The following BAZ2B variants were observed in gnomAD, a reference collection of about 807,000 sequenced individuals.
BAZ2B encodes the protein bromodomain adjacent to zinc finger domain 2B.
Under a neutral mutation model 246.0 loss-of-function variants are expected in BAZ2B, and 91 were observed. The observed-to-expected ratio is 0.37, with a 90% confidence interval of 0.31 to 0.44. The LOEUF is 0.44. Ranked by LOEUF, BAZ2B falls within the 20% of genes least tolerant of loss-of-function variation. BAZ2B has a pLI of 1.00. For synonymous variants in BAZ2B, 855 were observed against 860.0 expected (o/e 0.99, Z 0.10); for missense variants, 2,332 against 2,533.7 (o/e 0.92, Z 1.71).
At chr2:159,415,032 AATG>A (rs2067445011) in intron 13 of BAZ2B, among the ~76,000 whole-genome samples, 1 of 152,128 alleles carries the variant, frequency 6.6e-6, no homozygotes. Context: ...TATTGGTCAA[AATG>A]ATAATTCCTA....
At chr2:159,487,828 G>A (rs2080009149) in intron 2 of BAZ2B, among the ~76,000 whole-genome samples, 1 of 151,444 alleles carries the variant, frequency 6.6e-6, no homozygotes, top group South Asian at 2.1e-4. Context: ...CTTCCGAGGA[G>A]TCTGGGATTA....
chr2:159,567,937 A>G (rs1683039294), intron 1 of BAZ2B, among the ~76,000 whole-genome samples: 1 of 152,188 alleles, frequency 6.6e-6, no homozygotes, highest in Non-Finnish European at 1.5e-5. Flanking sequence ...GTGCCACTGC[A>G]CTCCAGCCTG....
intron 1 of BAZ2B, among the ~76,000 whole-genome samples, chr2:159,574,435 A>G (rs1434478241): frequency 1.3e-5 from 2 of 152,140 alleles, no homozygotes; most frequent in Non-Finnish European, 2.9e-5. Flanking sequence ...GGGATTGCAA[A>G]ACATTGCAGC....
chr2:159,637,823 A>G, the BAZ2B span, among the ~76,000 whole-genome samples: 1 of 152,260 alleles, frequency 6.6e-6, no homozygotes, highest in East Asian at 1.9e-4. Flanking sequence ...CAGCCTCCCA[A>G]ATTGTTAGGA....
the BAZ2B span, among the ~76,000 whole-genome samples, chr2:159,682,706 A>G: frequency 6.6e-6 from 1 of 152,226 alleles, no homozygotes; most frequent in East Asian, 1.9e-4. Flanking sequence ...TATTTCATAT[A>G]ACGAGAAGAC....
intron 3 of BAZ2B, among the ~76,000 whole-genome samples, chr2:159,471,898 T>C (rs1396467437): frequency 6.6e-6 from 1 of 152,186 alleles, no homozygotes; most frequent in Non-Finnish European, 1.5e-5. Flanking sequence ...ATACATAAGC[T>C]ACTAGATGCA....
the BAZ2B span, among the ~76,000 whole-genome samples, chr2:159,646,295 G>A: frequency 3.3e-5 from 5 of 152,246 alleles, no homozygotes; most frequent in East Asian, 1.9e-4. Context: ...CTGGCTCACC[G>A]GCAGTCAGAG....
intron 2 of BAZ2B, among the ~76,000 whole-genome samples, chr2:159,505,488 T>C (rs1289892713): frequency 6.6e-6 from 1 of 152,214 alleles, no homozygotes; most frequent in Non-Finnish European, 1.5e-5. Flanking sequence ...AGAGCTTTTA[T>C]AAGCTTCACT....
At chr2:159,523,846 C>T (rs1383844599) in intron 2 of BAZ2B, among the ~76,000 whole-genome samples, 3 of 151,940 alleles carry the variant, frequency 2.0e-5, no homozygotes, top group Non-Finnish European at 4.4e-5. Context: ...TAATAACAAC[C>T]CCTCAAAAAA....
At chr2:159,348,556 A>G (rs2058222964) in intron 30 of BAZ2B, 122 bp downstream of exon 30, 1 of 1,174,956 alleles carries the variant, frequency 8.5e-7, no homozygotes, top group Non-Finnish European at 1.2e-6. Flanking sequence ...CGATTGGTTG[A>G]ATCCATAGAT....
intron 2 of BAZ2B, among the ~76,000 whole-genome samples, chr2:159,533,868 G>C (rs2085634944): frequency 6.6e-6 from 1 of 152,102 alleles, no homozygotes; most frequent in Non-Finnish European, 1.5e-5. Flanking sequence ...GAATGTATGT[G>C]AAACAAAAAT....
At chr2:159,670,821 C>T in the BAZ2B span, 2 of 152,118 alleles carry the variant, frequency 1.3e-5, no homozygotes, top group Non-Finnish European at 2.9e-5. Flanking sequence ...CTGCTGGAGA[C>T]AAATTTCTCT....
chr2:159,425,469 C>T (rs1398109219), intron 13 of BAZ2B, among the ~76,000 whole-genome samples: 1 of 152,208 alleles, frequency 6.6e-6, no homozygotes, highest in South Asian at 2.1e-4. Context: ...GCGTGAGCCA[C>T]AATGCCCGGC....
intron 1 of BAZ2B, among the ~76,000 whole-genome samples, chr2:159,615,042 G>A (rs1695594985): frequency 6.6e-6 from 1 of 152,262 alleles, no homozygotes; most frequent in Non-Finnish European, 1.5e-5. Flanking sequence ...AAAAATGGAG[G>A]ATATTGTAAT....
chr2:159,519,646 A>G (rs1280034730), intron 2 of BAZ2B, among the ~76,000 whole-genome samples: 1 of 149,348 alleles, frequency 6.7e-6, no homozygotes, highest in Non-Finnish European at 1.5e-5. Context: ...AGGTAGGTCC[A>G]GACAATTATA....
intron 3 of BAZ2B, among the ~76,000 whole-genome samples, chr2:159,477,342 T>C (rs1369255540): frequency 6.6e-6 from 1 of 151,708 alleles, no homozygotes; most frequent in Non-Finnish European, 1.5e-5. Flanking sequence ...TATATATGTG[T>C]ATATATACAT....
intron 2 of BAZ2B, among the ~76,000 whole-genome samples, chr2:159,551,533 A>G (rs1047405530): frequency 2.6e-5 from 4 of 152,024 alleles, no homozygotes; most frequent in Non-Finnish European, 5.9e-5. Context: ...AAAATATTAA[A>G]TAAGAATATC....
intron 4 of BAZ2B, among the ~76,000 whole-genome samples, chr2:159,448,958 C>A (rs1329819088): frequency 6.6e-6 from 1 of 151,974 alleles, no homozygotes; most frequent in Non-Finnish European, 1.5e-5. Flanking sequence ...AATCAGTAGG[C>A]CTTTTTATGT....
chr2:159,560,838 T>G (rs2089779985), intron 1 of BAZ2B, among the ~76,000 whole-genome samples: 1 of 152,084 alleles, frequency 6.6e-6, no homozygotes, highest in South Asian at 2.1e-4. Context: ...AAACCCTAAC[T>G]TGCTAATCAT....
Sources: gnomAD v4.1 joint callset for allele counts (sites outside exome capture counted in the v4.1 genomes callset) on GRCh38, gnomAD v4.1.1 for gene constraint, MANE v1.5 for transcripts, NCBI Gene and HGNC (gene_info 2026-07-23, HGNC 2026-07-21) for gene names.